Variants in CAMSAP1 observed in about 807,000 individuals in gnomAD.
The protein encoded by CAMSAP1 is calmodulin regulated spectrin associated protein 1.
Under a neutral mutation model 143.5 loss-of-function variants are expected in CAMSAP1, and 58 were observed. That is an observed-to-expected ratio of 0.40 (90% CI 0.33 to 0.50). The LOEUF is 0.50. Among genes scored for constraint, CAMSAP1 ranks in the 20% least tolerant of loss-of-function variants. CAMSAP1 has a pLI of 0.45. For synonymous variants in CAMSAP1, 945 were observed against 859.3 expected (o/e 1.10, Z -1.74); for missense variants, 1,969 against 2,115.7 (o/e 0.93, Z 1.36).
chr9:135,818,843 G>A lies in CAMSAP1; in HGVS notation c.3959+167C>T, dbSNP rs370238222. ...ACCGGCAACGCACGTCCTCACTGAA[G>A]ATCAGCAGGGGCCGTGAAAGTTCGG... On this transcript the variant is annotated intron_variant, in intron 12 of 16. Transcript: ENST00000389532. This position sits in a 1 kb window ranked among gnomAD's most constrained non-coding sequence, Gnocchi z 7.7. Among the ~76,000 whole-genome samples, 1 of 152,166 alleles carries A rather than the reference G, an allele frequency of 6.6e-6. No homozygotes were observed. The highest frequency in any genetic ancestry group is 1.9e-4 in the East Asian group (1 of 5,182).
chr9:135,891,174 A>C (rs560400405), intron 1 of CAMSAP1, among the ~76,000 whole-genome samples: 57 of 152,154 alleles, frequency 3.7e-4, no homozygotes, highest in Admixed American at 2.7e-3. Context: ...CTGGAGGGGG[A>C]ATCCTGAGGG....
rs140462483 is a variant in CAMSAP1 at position 135,867,489 on chromosome 9, T to TAAAA, written c.586-957_586-954dup. On this transcript the variant is annotated intron_variant, in intron 3 of 16. Transcript: ENST00000389532. ...GCAAGACCCCCCTCTTTTTTTTTTT[T>TAAAA]AAAAAAAAAGTCTGTAAAGCTAATC... 2.4e-3 allele frequency among the ~76,000 whole-genome samples: 346 copies of TAAAA among 142,610 alleles called. 2 individuals are homozygous for TAAAA. The highest frequency in any genetic ancestry group is 8.5e-3 in the African/African-American group (329 of 38,890). 93.6% of individuals were successfully genotyped at this position (142,610 alleles called of 152,430 possible).
intron 7 of CAMSAP1, chr9:135,836,468 C>T (rs1464694194): frequency 2.0e-6 from 2 of 984,970 alleles, no homozygotes; most frequent in Non-Finnish European, 2.4e-6. Flanking sequence ...CACGTCACCA[C>T]ACACTTTCTA....
At chr9:135,842,971 G>A (rs1036096808) in intron 7 of CAMSAP1, among the ~76,000 whole-genome samples, 4 of 152,178 alleles carry the variant, frequency 2.6e-5, no homozygotes, top group African/African-American at 9.7e-5. Context: ...ATAATGACAG[G>A]ATCAAATTCA....
In CAMSAP1 at chr9:135,822,178, C is replaced by T; in HGVS notation, c.2483G>A (p.Cys828Tyr). ...GCTGCTGGTGCTGGACTTGGTCTCA[C>T]AGCTGTTGAGTCTCTGGAGCTTCCT... The part of the protein sequence containing the change: ...AERKLQRLNS[C>Y]ETKSSTSSSQ... The change falls in exon 11 of 17, where the codon TGT (cysteine) becomes TAT (tyrosine). Residue 828 changes from cysteine (C) to tyrosine (Y), a missense_variant. This residue lies in a region of CAMSAP1 where 1,390 missense variants were observed against 1,420.8 expected (regional missense o/e 0.98). Transcript: ENST00000389532. This position sits in a 1 kb window ranked among gnomAD's most constrained non-coding sequence, Gnocchi z 6.1. 1 of 1,613,890 alleles carries T rather than the reference C, an allele frequency of 6.2e-7. No homozygotes were observed. Among genetic ancestry groups the T allele is most frequent in the South Asian group, 1.1e-5 (1 of 91,090 alleles).
intron 5 of CAMSAP1, among the ~76,000 whole-genome samples, chr9:135,859,651 C>T (rs185324531): frequency 6.6e-6 from 1 of 151,934 alleles, no homozygotes; most frequent in Non-Finnish European, 1.5e-5. Flanking sequence ...CTCGGCCTCC[C>T]AAAGTGCTGG....
In CAMSAP1 at chr9:135,817,299, C is replaced by G. The variant is rs577077451; in HGVS notation, c.4271+678G>C. 2.6e-5 allele frequency among the ~76,000 whole-genome samples: 4 copies of G among 152,234 alleles called. No homozygotes were observed. In the East Asian group the frequency reaches 5.8e-4, roughly 22 times the overall value. ...AGTGCTGCCTTGGTAACTGGTAACACGAGAAAACATTCTCGTTCTAGGAAA... is the reference window on the plus strand; with the variant it reads ...AGTGCTGCCTTGGTAACTGGTAACAGGAGAAAACATTCTCGTTCTAGGAAA... On this transcript the variant is annotated intron_variant, in intron 14 of 16. Coordinates refer to ENST00000389532, the MANE Select transcript of CAMSAP1 (RefSeq NM_015447.4).
intron 1 of CAMSAP1, among the ~76,000 whole-genome samples, chr9:135,894,600 G>T (rs967391238): frequency 6.6e-6 from 1 of 152,120 alleles, no homozygotes; most frequent in Admixed American, 6.5e-5. Context: ...TAAGTCAAGC[G>T]ACCAAAACAG....
At chr9:135,886,232 G>A (rs1407335935) in intron 1 of CAMSAP1, among the ~76,000 whole-genome samples, 1 of 152,198 alleles carries the variant, frequency 6.6e-6, no homozygotes, top group Admixed American at 6.5e-5. Flanking sequence ...AACAGGAAGA[G>A]ATAAAGTCAC....
intron 1 of CAMSAP1, among the ~76,000 whole-genome samples, chr9:135,891,428 C>G (rs777808225): frequency 5.3e-5 from 8 of 152,220 alleles, no homozygotes; most frequent in African/African-American, 1.9e-4. Flanking sequence ...TGGGCTTACT[C>G]CTGAGCTGTG....
In CAMSAP1 at chr9:135,820,688, C is replaced by G; in HGVS notation, c.3822+151G>C. 2.0e-6 allele frequency: 2 copies of G among 1,020,190 alleles called. No individual in the cohort carries two copies. Among genetic ancestry groups the G allele is most frequent in the Non-Finnish European group, 2.8e-6 (2 of 712,546 alleles). The allele number at this position is 1,020,190 out of a possible 1,614,324, so 63.2% of individuals were successfully genotyped here. On this transcript the variant is annotated intron_variant, in intron 11 of 16. Transcript: ENST00000389532. This position sits in a 1 kb window ranked among gnomAD's most constrained non-coding sequence, Gnocchi z 4.4. ...CCAAGTGGAGTCCTCGGGACAGAGACTCTGTGGCCCACAAAGCTAAACACA... is the reference window on the plus strand; with the variant it reads ...CCAAGTGGAGTCCTCGGGACAGAGAGTCTGTGGCCCACAAAGCTAAACACA...
chr9:135,899,223 C>T (rs1323125305), intron 1 of CAMSAP1, among the ~76,000 whole-genome samples: 1 of 152,068 alleles, frequency 6.6e-6, no homozygotes, highest in African/African-American at 2.4e-5. Context: ...GTTTAAATTC[C>T]TCAAACTACA....
At chr9:135,812,421 T>C (rs1430278073) in intron 16 of CAMSAP1, among the ~76,000 whole-genome samples, 1 of 152,004 alleles carries the variant, frequency 6.6e-6, no homozygotes, top group African/African-American at 2.4e-5. Context: ...CAAAAGGCCA[T>C]ATAATTATGA....
At chr9:135,881,363 A>C (rs1489277117) in intron 3 of CAMSAP1, among the ~76,000 whole-genome samples, 2 of 151,972 alleles carry the variant, frequency 1.3e-5, no homozygotes, top group African/African-American at 4.8e-5. Flanking sequence ...GTCTCAAAAA[A>C]AAAAAAAAAA....
intron 5 of CAMSAP1, among the ~76,000 whole-genome samples, chr9:135,851,704 T>C (rs1256737820): frequency 6.6e-6 from 1 of 152,206 alleles, no homozygotes; most frequent in African/African-American, 2.4e-5. Flanking sequence ...TAGCAGCCAG[T>C]TTTTGCCCCA....
At chr9:135,856,658 C>T (rs1402766152) in intron 5 of CAMSAP1, among the ~76,000 whole-genome samples, 1 of 152,228 alleles carries the variant, frequency 6.6e-6, no homozygotes, top group African/African-American at 2.4e-5. Flanking sequence ...GGCCACACAG[C>T]AGGATGTGTG....
Position 135,907,051 on chromosome 9 carries a change from C to T in CAMSAP1, c.109G>A (p.Ala37Thr). 1.7e-6 allele frequency: 2 copies of T among 1,206,258 alleles called. No homozygotes were observed. The highest frequency in any genetic ancestry group is 4.1e-5 in the East Asian group (1 of 24,138). The allele number at this position is 1,206,258 out of a possible 1,614,324, so 74.7% of individuals were successfully genotyped here. ...VPLDRYDAARAKIAANLQWIC... is the reference protein window; with the variant it reads ...VPLDRYDAARTKIAANLQWIC... ...CACTGCAGGTTGGCGGCGATCTTGG[C>T]GCGCGCCGCGTCGTAGCGGTCCAGG... The change falls in exon 1 of 17, where the codon GCC becomes ACC. Residue 37 changes from alanine to threonine, a missense_variant. By Grantham distance (58) the Ala-to-Thr change is moderately conservative. Transcript: ENST00000389532.
At chr9:135,854,218 G>C (rs1836873678) in intron 5 of CAMSAP1, among the ~76,000 whole-genome samples, 1 of 151,964 alleles carries the variant, frequency 6.6e-6, no homozygotes, top group Non-Finnish European at 1.5e-5. Flanking sequence ...TGTAGTTATG[G>C]GTCTATTTAG....
intron 7 of CAMSAP1, among the ~76,000 whole-genome samples, chr9:135,830,762 G>A (rs559592840): frequency 1.3e-5 from 2 of 152,152 alleles, no homozygotes; most frequent in East Asian, 3.9e-4. Flanking sequence ...AAGCACATGG[G>A]ACCCATTCTC....
Sources: allele counts gnomAD v4.1 joint callset (sites outside exome capture counted in the v4.1 genomes callset), GRCh38; gene constraint gnomAD v4.1.1; regional missense constraint gnomAD v4.1.1; non-coding constraint Gnocchi (gnomAD v3.1); transcripts MANE v1.5; gene names NCBI Gene and HGNC (gene_info 2026-07-23, HGNC 2026-07-21).